Variants in ABCA3 observed in about 807,000 individuals in gnomAD.
ABCA3 encodes phospholipid-transporting ATPase ABCA3.
A neutral mutation model predicts 172.8 loss-of-function variants in ABCA3; 88 were observed. The observed-to-expected ratio is 0.51, with a 90% confidence interval of 0.43 to 0.61. The LOEUF (loss-of-function observed/expected upper bound fraction) is 0.61. Among genes scored for constraint, ABCA3 ranks in the 20% least tolerant of loss-of-function variants. The pLI is 0.00. For missense variants in ABCA3, 2,164 were observed against 2,301.0 expected (o/e 0.94, Z 1.22); for synonymous variants, 1,066 against 983.8 (o/e 1.08, Z -1.56).
In ABCA3 at chr16:2,286,492, A is replaced by G. The variant is rs911215690; in HGVS notation, c.3278+202T>C. 3.9e-5 allele frequency among the ~76,000 whole-genome samples: 6 copies of G among 152,336 alleles called. No individual in the cohort carries two copies. Among genetic ancestry groups the G allele is most frequent in the South Asian group, 4.1e-4 (2 of 4,832 alleles). On this transcript the variant is annotated intron_variant, in intron 22 of 32. Coordinates refer to ENST00000301732, the MANE Select transcript of ABCA3 (RefSeq NM_001089.3). This position sits in a 1 kb window ranked among gnomAD's most constrained non-coding sequence, Gnocchi z 5.2. ...TGGGTCCCCGTGAGGACCGCAGTGC[A>G]TGGGATGGCCCACAGCTGATCTGCT...
chr16:2,324,274 T>C, intron 6 of ABCA3, 130 bp downstream of exon 6: 2 of 1,326,110 alleles, frequency 1.5e-6, no homozygotes, highest in African/African-American at 2.9e-5. Flanking sequence ...AAGGAGTGAC[T>C]GCTATTGACT....
chr16:2,308,179 T>C (rs940707946), intron 11 of ABCA3, among the ~76,000 whole-genome samples: 6 of 150,938 alleles, frequency 4.0e-5, no homozygotes, highest in South Asian at 2.1e-4. Context: ...GCTCCAACCC[T>C]CTTGTCCTCC....
chr16:2,329,408 G>A (rs910745345), intron 2 of ABCA3, among the ~76,000 whole-genome samples: 5 of 152,304 alleles, frequency 3.3e-5, no homozygotes, highest in South Asian at 2.1e-4. Context: ...CCAGATGGGC[G>A]TGGGGTTGGC....
chr16:2,282,784 TCAG>T (rs1231718857), intron 26 of ABCA3, among the ~76,000 whole-genome samples: 3 of 123,236 alleles, frequency 2.4e-5, no homozygotes, highest in Non-Finnish European at 5.1e-5. Flanking sequence ...CCACCTCTGC[TCAG>T]CAGGACTGGG....
chr16:2,320,451 G>A (rs1430588345), intron 7 of ABCA3, among the ~76,000 whole-genome samples: 5 of 149,390 alleles, frequency 3.3e-5, no homozygotes, highest in African/African-American at 5.0e-5. Flanking sequence ...GTGCAGTGGC[G>A]CGATCTCGGC....
Position 2,287,886 on chromosome 16 carries a change from C to T in ABCA3, c.3004+140G>A. On this transcript the variant is annotated intron_variant, in intron 21 of 32. Coordinates refer to ENST00000301732, the MANE Select transcript of ABCA3 (RefSeq NM_001089.3). The surrounding 1 kb of genome is among the most constrained non-coding windows in gnomAD (Gnocchi z 4.1). The stretch of plus-strand genomic sequence containing the variant: ...ATGGGGTGGGGCAAGGTCAGGGATG[C>T]TGCTGAACCTCCCTCAGTACATTCG... 9.5e-7 allele frequency: 1 copy of T among 1,055,060 alleles called. No individual in the cohort carries two copies. The highest frequency in any genetic ancestry group is 3.1e-4 in the Middle Eastern group (1 of 3,234). 65.4% of individuals were successfully genotyped at this position (1,055,060 alleles called of 1,614,324 possible). A position where few individuals can be genotyped will look rare whatever the true frequency, so the allele number is the denominator to read the frequency against.
chr16:2,336,854 T>C (rs1168005918), intron 1 of ABCA3, among the ~76,000 whole-genome samples: 1 of 152,076 alleles, frequency 6.6e-6, no homozygotes, highest in East Asian at 1.9e-4. Flanking sequence ...TATACAATAG[T>C]TTTTGTAGCA....
At chr16:2,324,331 G>T in intron 6 of ABCA3, 73 bp downstream of exon 6, 1 of 1,530,322 alleles carries the variant, frequency 6.5e-7, no homozygotes, top group South Asian at 1.2e-5. Flanking sequence ...TTTACAGGTT[G>T]AACTAGTGAC....
chr16:2,332,771 T>C (rs2093745494), intron 1 of ABCA3: 2 of 866,534 alleles, frequency 2.3e-6, no homozygotes. Flanking sequence ...CAGGTATTTT[T>C]GTGTGCACCA....
At chr16:2,325,432 T>G (rs1433179854) in intron 5 of ABCA3, among the ~76,000 whole-genome samples, 4 of 152,184 alleles carry the variant, frequency 2.6e-5, no homozygotes, top group Non-Finnish European at 5.9e-5. Flanking sequence ...CAATCAGGCA[T>G]GGCCACAGAG....
At chr16:2,323,752 T>C (rs1175209880) in intron 6 of ABCA3, 64 bp from the exon 7 acceptor site, 2 of 1,599,548 alleles carry the variant, frequency 1.3e-6, no homozygotes, top group Admixed American at 3.3e-5. Context: ...AACAACAGGG[T>C]GGAGTGGGAG....
At chr16:2,316,878 C>T (rs2093716756) in intron 10 of ABCA3, among the ~76,000 whole-genome samples, 1 of 152,120 alleles carries the variant, frequency 6.6e-6, no homozygotes, top group African/African-American at 2.4e-5. Flanking sequence ...AGGTAAAAGG[C>T]ACTACAGAAG....
rs542683649 is a variant in ABCA3, at chr16:2,305,400, G to A, written c.1286-1250C>T. Among the ~76,000 whole-genome samples the A allele has an allele frequency of 1.1e-4, 16 of 152,208 alleles. 1 individual carries two copies. Among genetic ancestry groups the A allele is most frequent in the Middle Eastern group, 6.8e-3 (2 of 294 alleles). ...CAGCCTCCACCTCCCAGGTTCAAGC[G>A]GTTCTCCTGCCTCAGCCTCCCGAGT... On this transcript the variant is annotated intron_variant, in intron 11 of 32. Transcript: ENST00000301732.
At chr16:2,331,770 G>A (rs562687845) in intron 1 of ABCA3, among the ~76,000 whole-genome samples, 104 of 152,306 alleles carry the variant, frequency 6.8e-4, no homozygotes, top group African/African-American at 2.1e-3. Context: ...GACCGGCCCC[G>A]GCTGAGCCCC....
At chr16:2,290,001 A>C (rs996643424) in intron 19 of ABCA3, among the ~76,000 whole-genome samples, 16 of 137,220 alleles carry the variant, frequency 1.2e-4, no homozygotes, top group East Asian at 2.3e-4. Flanking sequence ...ACACACACAC[A>C]CCCCTTCCTA....
At position 2,308,720 on chromosome 16, in the gene ABCA3, G is replaced by C. The variant is rs533421699; in HGVS notation, c.1112-97C>G. The C allele has an allele frequency of 3.9e-5, 55 of 1,421,304 alleles. 1 individual carries two copies. Among genetic ancestry groups the C allele is most frequent in the Non-Finnish European group, 5.2e-5 (54 of 1,028,962 alleles). 88.0% of individuals were successfully genotyped at this position (1,421,304 alleles called of 1,614,324 possible). A position where few individuals can be genotyped will look rare whatever the true frequency, so the allele number is the denominator to read the frequency against. ...CAGGCAACCCCCTACTCCTGGGGCCGAGCCACCCAACCTGCTCCTGGCACT... is the reference window on the plus strand; with the variant it reads ...CAGGCAACCCCCTACTCCTGGGGCCCAGCCACCCAACCTGCTCCTGGCACT... On this transcript the variant is annotated intron_variant, in intron 10 of 32. Transcript: ENST00000301732.
Position 2,303,888 on chromosome 16 carries a change from C to CA in ABCA3, c.1467+80dup, listed in dbSNP as rs1008109215. ...ACGCAGGTGCTGCATGCTGGGGACT[C>CA]AGAGGGGTCCCTGAGCAGGTACTGG... On this transcript the variant is annotated intron_variant, in intron 12 of 32. Transcript: ENST00000301732. The CA allele has an allele frequency of 2.6e-6, 4 of 1,528,728 alleles. No individual in the cohort carries two copies. In the African/African-American group the frequency reaches 5.5e-5, roughly 21 times the overall value. 94.7% of individuals were successfully genotyped at this position (1,528,728 alleles called of 1,614,324 possible).
chr16:2,310,113 A>G (rs1290678742), intron 10 of ABCA3, among the ~76,000 whole-genome samples: 1 of 152,126 alleles, frequency 6.6e-6, no homozygotes, highest in Non-Finnish European at 1.5e-5. Flanking sequence ...TACATTTATG[A>G]AAAAAACCCC....
At chr16:2,306,899 C>T (rs1047404907) in intron 11 of ABCA3, among the ~76,000 whole-genome samples, 2 of 151,220 alleles carry the variant, frequency 1.3e-5, no homozygotes, top group Non-Finnish European at 1.5e-5. Flanking sequence ...CCTGTAGTCC[C>T]AGCTACTTGG....
Sources: allele counts gnomAD v4.1 joint callset (sites outside exome capture counted in the v4.1 genomes callset), GRCh38; gene constraint gnomAD v4.1.1; non-coding constraint Gnocchi (gnomAD v3.1); transcripts MANE v1.5; gene names NCBI Gene and HGNC (gene_info 2026-07-23, HGNC 2026-07-21).